The following SUMO3 variants were observed in gnomAD, a reference collection of about 807,000 sequenced individuals.
The protein encoded by SUMO3 is small ubiquitin-related modifier 3.
Under a neutral mutation model 11.1 loss-of-function variants are expected in SUMO3, and 2 were observed. The ratio of observed to expected loss-of-function variants is 0.18; its 90% CI spans 0.07 to 0.57. SUMO3 has a LOEUF of 0.57. SUMO3 is among the 20% of genes least tolerant of loss of function. The probability of loss-of-function intolerance (pLI) is 0.92; values close to 1 mark genes in which losing one functional copy is unlikely to be tolerated. For synonymous variants in SUMO3, 56 were observed against 53.5 expected, an observed-to-expected ratio of 1.05 and a Z score of -0.20; for missense variants, 70 against 132.8, an observed-to-expected ratio of 0.53 and a Z score of 2.32.
At chr21:44,809,143 T>C (rs2083195632) in intron 2 of SUMO3, 25 bp from the exon 3 acceptor site, 2 of 1,609,468 alleles carry the variant, frequency 1.2e-6, no homozygotes, top group Non-Finnish European at 1.7e-6. Context: ...CAGTGGCCAT[T>C]AGTCTCACTG....
chr21:44,816,782 C>T (rs540100627), intron 1 of SUMO3, among the ~76,000 whole-genome samples: 101 of 151,998 alleles, frequency 6.6e-4, no homozygotes, highest in African/African-American at 2.4e-3. Context: ...GAGACTAAAG[C>T]CCACCCAAGG....
chr21:44,815,138 G>C (rs543803556), intron 1 of SUMO3, among the ~76,000 whole-genome samples: 1 of 152,204 alleles, frequency 6.6e-6, no homozygotes, highest in Non-Finnish European at 1.5e-5. Context: ...TACATCACAC[G>C]CCTGTTCTCT....
At chr21:44,817,753 G>C (rs957906903) in intron 1 of SUMO3, among the ~76,000 whole-genome samples, 195 bp downstream of exon 1, 1 of 148,936 alleles carries the variant, frequency 6.7e-6, no homozygotes, top group African/African-American at 2.5e-5. Flanking sequence ...GGCGGAGCTC[G>C]CGGCACAGCG....
At position 44,809,109 on chromosome 21, in the gene SUMO3, T is replaced by C; in HGVS notation, c.160A>G (p.Met54Val). ...KAYCERQGLSMRQIRFRFDGQ... is the reference protein window; with the variant it reads ...KAYCERQGLSVRQIRFRFDGQ... ...TCGAACCTGAATCTGATCTGCCTCA[T>C]TGACAAGCCCTGGAAAGGAAAAGCA... Residue 54 changes from methionine to valine, a missense_variant, in exon 3 of 4, where the codon ATG becomes GTG. By Grantham distance (21) the Met-to-Val change is conservative. Coordinates refer to ENST00000332859, the MANE Select transcript of SUMO3 (RefSeq NM_006936.3). 2 of 1,613,818 alleles carry C rather than the reference T, an allele frequency of 1.2e-6. No individual in the cohort carries two copies. Among genetic ancestry groups the C allele is most frequent in the Non-Finnish European group, 1.7e-6 (2 of 1,179,910 alleles).
chr21:44,806,383 A>C lies in SUMO3; in HGVS notation c.*568T>G, dbSNP rs1243552734. On this transcript the variant is annotated 3_prime_UTR_variant, in exon 4 of 4. Coordinates refer to ENST00000332859, the MANE Select transcript of SUMO3 (RefSeq NM_006936.3). ...GACTCGGTTATTTTTTAACCTTTGA[A>C]GAAGCATTCCAGTATTTTCCCTTCA... is the stretch of plus-strand genomic sequence containing the variant. The C allele has an allele frequency of 6.6e-6, 1 of 152,512 alleles. No individual in the cohort carries two copies. The highest frequency in any genetic ancestry group is 2.4e-5 in the African/African-American group (1 of 41,446). The allele number at this position is 152,512 out of a possible 1,614,324, so 9.4% of individuals were successfully genotyped here. A position where few individuals can be genotyped will look rare whatever the true frequency, so the allele number is the denominator to read the frequency against.
chr21:44,815,545 C>A lies in SUMO3; in HGVS notation c.22-1441G>T, dbSNP rs185804360. Among the ~76,000 whole-genome samples the A allele has an allele frequency of 3.3e-5, 5 of 152,278 alleles. No homozygotes were observed. The East Asian group carries it at 9.6e-4, about 29-fold the overall frequency. On this transcript the variant is annotated intron_variant, in intron 1 of 3. Transcript: ENST00000332859. Reference sequence around the variant, plus strand: ...TGGCCTCCAGCACAGAGACAACTGGCCTAGGAAGGAAGAGCATGCAAACAG... The same window carrying A: ...TGGCCTCCAGCACAGAGACAACTGGACTAGGAAGGAAGAGCATGCAAACAG...
At chr21:44,817,918 C>CG (rs1197428502) in intron 1 of SUMO3, 30 bp downstream of exon 1, 1 of 977,050 alleles carries the variant, frequency 1.0e-6, no homozygotes, top group African/African-American at 4.8e-5. Flanking sequence ...CCGCGATAGA[C>CG]GCGCGTGCAG....
At chr21:44,816,721 A>G (rs2083245608) in intron 1 of SUMO3, among the ~76,000 whole-genome samples, 1 of 152,080 alleles carries the variant, frequency 6.6e-6, no homozygotes, top group Admixed American at 6.5e-5. Context: ...TGCAGGGTGC[A>G]TACCCCAGGA....
chr21:44,813,955 C>CG, intron 2 of SUMO3, 21 bp downstream of exon 2: 1 of 1,607,432 alleles, frequency 6.2e-7, no homozygotes, highest in East Asian at 2.2e-5. Context: ...GGAGGCTCTG[C>CG]GGGGGAGCAA....
rs924473182 is a variant in SUMO3 at position 44,811,046 on chromosome 21, A to C, written c.151-1928T>G. On this transcript the variant is annotated intron_variant, in intron 2 of 3. Transcript: ENST00000332859. The surrounding 1 kb of genome is among the most constrained non-coding windows in gnomAD (Gnocchi z 5.0). ...CACACGCACACACCCACATACACAC[A>C]CGCACACACCCACACATACACACAC... Among the ~76,000 whole-genome samples the C allele has an allele frequency of 6.7e-6, 1 of 149,900 alleles. No homozygotes were observed. The highest frequency in any genetic ancestry group is 1.9e-4 in the East Asian group (1 of 5,138).
intron 3 of SUMO3, chr21:44,808,356 C>CA: frequency 2.0e-6 from 1 of 494,214 alleles, no homozygotes; most frequent in Non-Finnish European, 3.4e-6. Flanking sequence ...ACTAAAAATA[C>CA]AAAAAAATTA....
Position 44,810,538 on chromosome 21 carries a change from C to T in SUMO3, c.151-1420G>A, listed in dbSNP as rs1250777426. The stretch of plus-strand genomic sequence containing the variant: ...GAGAAGGTGGGTGCGGAGCTCCAGG[C>T]GCAGGGCGGAAACAGGCCCACGAAA... On this transcript the variant is annotated intron_variant, in intron 2 of 3. Coordinates refer to ENST00000332859, the MANE Select transcript of SUMO3 (RefSeq NM_006936.3). This position sits in a 1 kb window ranked among gnomAD's most constrained non-coding sequence, Gnocchi z 4.1. Among the ~76,000 whole-genome samples the T allele has an allele frequency of 6.6e-6, 1 of 152,192 alleles. No homozygotes were observed. Among genetic ancestry groups the T allele is most frequent in the Non-Finnish European group, 1.5e-5 (1 of 68,028 alleles).
Position 44,807,929 on chromosome 21 carries a change from G to C in SUMO3, c.223-889C>G, listed in dbSNP as rs1430621751. 6.6e-6 allele frequency among the ~76,000 whole-genome samples: 1 copy of C among 152,258 alleles called. No homozygotes were observed. The highest frequency in any genetic ancestry group is 1.5e-5 in the Non-Finnish European group (1 of 68,050). ...CACTCCCAGAGCTGCCACTGCCTCA[G>C]CGGTGTGTAGGTTTCCTCAAGTAGG... On this transcript the variant is annotated intron_variant, in intron 3 of 3. Transcript: ENST00000332859. This position sits in a 1 kb window ranked among gnomAD's most constrained non-coding sequence, Gnocchi z 4.3.
In SUMO3 at chr21:44,806,680, G is replaced by A; in HGVS notation, c.*271C>T. On this transcript the variant is annotated 3_prime_UTR_variant, in exon 4 of 4. Transcript: ENST00000332859. ...GTTAAAAAAATGTTGTAGGAGGGGG[G>A]GAAAACACAAATGAGCACACAAAAG... The A allele has an allele frequency of 5.4e-6, 4 of 740,496 alleles. No homozygotes were observed. Among genetic ancestry groups the A allele is most frequent in the Non-Finnish European group, 7.8e-6 (4 of 512,234 alleles). The allele number at this position is 740,496 out of a possible 1,614,324, so 45.9% of individuals were successfully genotyped here. A position where few individuals can be genotyped will look rare whatever the true frequency, so the allele number is the denominator to read the frequency against.
chr21:44,815,729 G>C (rs995495130), intron 1 of SUMO3, among the ~76,000 whole-genome samples: 14 of 151,790 alleles, frequency 9.2e-5, no homozygotes, highest in Non-Finnish European at 1.9e-4. Context: ...TGCAGCCCCG[G>C]GGGGAATGGC....
chr21:44,817,980 C>T lies in SUMO3; in HGVS notation c.-12G>A. On this transcript the variant is annotated 5_prime_UTR_variant, in exon 1 of 4. Transcript: ENST00000332859. ...TTCTCCTCGGACATGGCTGCGCGAG[C>T]GGCGCGGGGAGGCGGCGCGGGGGAA... is the stretch of plus-strand genomic sequence containing the variant. 1 of 1,093,056 alleles carries T rather than the reference C, an allele frequency of 9.1e-7. No individual in the cohort carries two copies. The allele number at this position is 1,093,056 out of a possible 1,614,324, so 67.7% of individuals were successfully genotyped here.
chr21:44,806,946 G>T lies in SUMO3; in HGVS notation c.*5C>A, dbSNP rs1485362231. ...GATGGACGGCCCGGGCTGGGGACGG[G>T]CCCTCTAGAAACTGTGCCCTGCCAG... On this transcript the variant is annotated 3_prime_UTR_variant, in exon 4 of 4. Transcript: ENST00000332859. The T allele has an allele frequency of 2.5e-6, 4 of 1,614,018 alleles. No homozygotes were observed. The highest frequency in any genetic ancestry group is 3.4e-6 in the Non-Finnish European group (4 of 1,180,004).
In SUMO3 at chr21:44,807,126, G is replaced by A. The variant is rs1601209910; in HGVS notation, c.223-86C>T. 8 of 1,520,870 alleles carry A rather than the reference G, an allele frequency of 5.3e-6. No homozygotes were observed. The East Asian group carries it at 6.8e-5, about 13-fold the overall frequency. The allele number at this position is 1,520,870 out of a possible 1,614,324, so 94.2% of individuals were successfully genotyped here. ...AGAGTGGGAAGATCCTCACTGGCAT[G>A]AGTGTTCCCTGACACTAGCGACATC... On this transcript the variant is annotated intron_variant, in intron 3 of 3. Coordinates refer to ENST00000332859, the MANE Select transcript of SUMO3 (RefSeq NM_006936.3). The surrounding 1 kb of genome is among the most constrained non-coding windows in gnomAD (Gnocchi z 4.3).
chr21:44,810,089 C>T lies in SUMO3; in HGVS notation c.151-971G>A, dbSNP rs187394548. Among the ~76,000 whole-genome samples the T allele has an allele frequency of 3.9e-3, 589 of 152,306 alleles. 4 individuals carry two copies. Among genetic ancestry groups the T allele is most frequent in the Middle Eastern group, 0.037 (11 of 294 alleles). On this transcript the variant is annotated intron_variant, in intron 2 of 3. Transcript: ENST00000332859. This position sits in a 1 kb window ranked among gnomAD's most constrained non-coding sequence, Gnocchi z 4.1. ...GGAAGGAGAGCACGCAGCCTTTCTG[C>T]GTCCTGAGGGAATGGAGAAATGTGG...
Sources: gnomAD v4.1 joint callset for allele counts (sites outside exome capture counted in the v4.1 genomes callset) on GRCh38, gnomAD v4.1.1 for gene constraint, Gnocchi (gnomAD v3.1) non-coding constraint, MANE v1.5 for transcripts, NCBI Gene and HGNC (gene_info 2026-07-23, HGNC 2026-07-21) for gene names.